The following CEP72 variants were observed in gnomAD, a reference collection of about 807,000 sequenced individuals.
The protein encoded by CEP72 is centrosomal protein 72, also known as centrosomal protein of 72 kDa.
In CEP72, 78 loss-of-function variants were observed where a neutral mutation model predicts 65.7. The observed-to-expected ratio is 1.19, with a 90% CI of 0.99 to 1.43. The LOEUF (loss-of-function observed/expected upper bound fraction) is 1.43. Among genes scored for constraint, CEP72 ranks in the 40% most tolerant of loss-of-function variants. CEP72 has a pLI of 0.00. For synonymous variants in CEP72, 358 were observed against 351.7 expected, an observed-to-expected ratio of 1.02 and a Z score of -0.20; for missense variants, 914 against 832.9, an observed-to-expected ratio of 1.10 and a Z score of -1.20.
the CEP72 span, among the ~76,000 whole-genome samples, chr5:675,465 G>GGGGGTGCAGTGTGGCCA: frequency 6.6e-5 from 3 of 45,468 alleles, no homozygotes; most frequent in South Asian, 1.8e-3. Context: ...GTGCAGCACA[G>GGGGGTGCAGTGTGGCCA]GGGGTGCAGT....
In CEP72 at chr5:624,369, G is replaced by A; in HGVS notation, c.404-102G>A. ...TGCTAGGTTAGTGGGAGCAGGGCTG[G>A]CCCCGAGGGGATGGACACCCTGCCC... On this transcript the variant is annotated intron_variant, in intron 3 of 11. Coordinates refer to ENST00000264935, the MANE Select transcript of CEP72 (RefSeq NM_018140.4). The surrounding 1 kb of genome is among the most constrained non-coding windows in gnomAD (Gnocchi z 4.7). The A allele has an allele frequency of 1.3e-6, 1 of 757,708 alleles. No homozygotes were observed. Among genetic ancestry groups the A allele is most frequent in the Non-Finnish European group, 2.3e-6 (1 of 431,306 alleles). 46.9% of individuals were successfully genotyped at this position (757,708 alleles called of 1,614,324 possible). A position where few individuals can be genotyped will look rare whatever the true frequency, so the allele number is the denominator to read the frequency against.
the CEP72 span, among the ~76,000 whole-genome samples, chr5:672,275 G>C: frequency 1.3e-5 from 2 of 151,186 alleles, no homozygotes; most frequent in Non-Finnish European, 2.9e-5. Flanking sequence ...AGGGAGCCTG[G>C]CCCTGCTGTT....
chr5:649,225 T>G (rs1738721729), intron 11 of CEP72, among the ~76,000 whole-genome samples: 1 of 43,128 alleles, frequency 2.3e-5, no homozygotes, highest in Admixed American at 2.5e-4. Context: ...CTGTGAGGTG[T>G]GACTGTGAGG....
intron 3 of CEP72, among the ~76,000 whole-genome samples, chr5:621,300 G>A (rs901173718): frequency 1.3e-5 from 2 of 152,204 alleles, no homozygotes; most frequent in Non-Finnish European, 2.9e-5. Context: ...TAGAACAAAA[G>A]ACCAACAGAA....
chr5:672,933 C>T, the CEP72 span, among the ~76,000 whole-genome samples: 3 of 152,240 alleles, frequency 2.0e-5, no homozygotes, highest in Admixed American at 6.5e-5. Context: ...GCAACGAGGA[C>T]TAAACAAAGG....
chr5:635,619 T>C (rs749108883), intron 6 of CEP72, 35 bp downstream of exon 6: 1 of 1,483,678 alleles, frequency 6.7e-7, no homozygotes, highest in Non-Finnish European at 9.4e-7. Context: ...TTTCTGTTGC[T>C]GTAACAGAAA....
downstream of CEP72, among the ~76,000 whole-genome samples, chr5:654,328 G>T (rs1312982978): frequency 6.8e-6 from 1 of 147,012 alleles, no homozygotes; most frequent in Non-Finnish European, 1.5e-5. Flanking sequence ...ACGCTTGTGT[G>T]TGCGCTGTGT....
chr5:621,933 C>T (rs1204775566), intron 3 of CEP72, among the ~76,000 whole-genome samples: 1 of 152,206 alleles, frequency 6.6e-6, no homozygotes, highest in Non-Finnish European at 1.5e-5. Flanking sequence ...GCCACTGTGC[C>T]CTGCTAATTT....
At chr5:654,455 C>G (rs964133523), downstream of CEP72, among the ~76,000 whole-genome samples, 2 of 148,922 alleles carry the variant, frequency 1.3e-5, no homozygotes, top group African/African-American at 5.0e-5. Flanking sequence ...GTGTGTGCTT[C>G]TGTGTGTGTG....
chr5:623,633 G>T lies in CEP72; in HGVS notation c.404-838G>T, dbSNP rs1228731507. Among the ~76,000 whole-genome samples the T allele has an allele frequency of 6.6e-6, 1 of 152,064 alleles. No homozygotes were observed. The highest frequency in any genetic ancestry group is 2.4e-5 in the African/African-American group (1 of 41,406). On this transcript the variant is annotated intron_variant, in intron 3 of 11. Coordinates refer to ENST00000264935, the MANE Select transcript of CEP72 (RefSeq NM_018140.4). The surrounding 1 kb of genome is among the most constrained non-coding windows in gnomAD (Gnocchi z 5.3). ...GCTATGCGTCGTTAGTGCGGGGCTG[G>T]TGAAGGCCGGGGTGGAAAGGTTGCG...
Position 639,232 on chromosome 5 carries a change from AG to A in CEP72, c.1342+11del, listed in dbSNP as rs745310647. 1 of 1,563,804 alleles carries A rather than the reference AG, an allele frequency of 6.4e-7. No individual in the cohort carries two copies. Among genetic ancestry groups the A allele is most frequent in the South Asian group, 1.2e-5 (1 of 85,306 alleles). Reference sequence around the variant, plus strand: ...GCAACGAGGCATTCCTTGGTGAGTCAGGGCGGCCACTGCTCTTGCCCTGTAG... The same window carrying A: ...GCAACGAGGCATTCCTTGGTGAGTCAGGCGGCCACTGCTCTTGCCCTGTAG... On this transcript the variant is annotated intron_variant, in intron 8 of 11. Transcript: ENST00000264935.
intron 11 of CEP72, among the ~76,000 whole-genome samples, chr5:649,129 G>A (rs1738704458): frequency 6.8e-6 from 1 of 147,246 alleles, no homozygotes; most frequent in Non-Finnish European, 1.5e-5. Context: ...TGAATGTGAG[G>A]CGTGACTGTG....
intron 2 of CEP72, chr5:664,281 T>A (rs1401128894): frequency 1.3e-5 from 2 of 152,402 alleles, no homozygotes; most frequent in Non-Finnish European, 2.9e-5. Flanking sequence ...GTCTCTTGCC[T>A]GGCAACACCA....
intron 9 of CEP72, 30 bp from the exon 10 acceptor site, chr5:644,269 T>C: frequency 1.9e-6 from 3 of 1,607,926 alleles, no homozygotes; most frequent in Non-Finnish European, 2.6e-6. Flanking sequence ...ATTTGACTTG[T>C]GCACTTAAGT....
At chr5:633,661 A>C in intron 4 of CEP72, 108 bp from the exon 5 acceptor site, 1 of 1,068,264 alleles carries the variant, frequency 9.4e-7, no homozygotes, top group East Asian at 2.4e-5. Context: ...CGTTTGCAGC[A>C]CGCTGCTTCT....
chr5:673,548 T>A, the CEP72 span, among the ~76,000 whole-genome samples: 1 of 151,984 alleles, frequency 6.6e-6, no homozygotes, highest in Non-Finnish European at 1.5e-5. Context: ...CAGGACAATC[T>A]CCCACACGGC....
intron 11 of CEP72, among the ~76,000 whole-genome samples, chr5:649,467 CTG>C (rs1195000911): frequency 7.9e-5 from 3 of 37,804 alleles, no homozygotes; most frequent in Non-Finnish European, 4.9e-5. Flanking sequence ...TGAGGTGTGA[CTG>C]TGAGGTGTGA....
rs1259495507 is a variant in CEP72 at position 624,966 on chromosome 5, C to T, written c.512+387C>T. The stretch of plus-strand genomic sequence containing the variant: ...TCCCACTTCTGGCCGTGAGCACATT[C>T]AGCAGGACCCGTCTTCCTGGATCGA... On this transcript the variant is annotated intron_variant, in intron 4 of 11. Coordinates refer to ENST00000264935, the MANE Select transcript of CEP72 (RefSeq NM_018140.4). The surrounding 1 kb of genome is among the most constrained non-coding windows in gnomAD (Gnocchi z 4.7). Among the ~76,000 whole-genome samples the T allele has an allele frequency of 6.6e-6, 1 of 152,204 alleles. No individual in the cohort carries two copies. The highest frequency in any genetic ancestry group is 2.4e-5 in the African/African-American group (1 of 41,452).
intron 11 of CEP72, among the ~76,000 whole-genome samples, chr5:650,136 G>A (rs111217482): frequency 8.2e-6 from 1 of 121,788 alleles, no homozygotes; most frequent in African/African-American, 3.5e-5. Context: ...GGACTGTGAG[G>A]TGTGACTGTG....
Sources: gnomAD v4.1 joint callset for allele counts (sites outside exome capture counted in the v4.1 genomes callset) on GRCh38, gnomAD v4.1.1 for gene constraint, Gnocchi (gnomAD v3.1) non-coding constraint, MANE v1.5 for transcripts, NCBI Gene and HGNC (gene_info 2026-07-23, HGNC 2026-07-21) for gene names.